Variants in LRRFIP1 observed in about 807,000 individuals in gnomAD.
The protein encoded by LRRFIP1 is LRR binding FLII interacting protein 1.
LRRFIP1 carries 62 observed loss-of-function variants against 104.4 expected under a neutral mutation model. The observed-to-expected ratio is 0.59, with a 90% CI of 0.48 to 0.73. The LOEUF (loss-of-function observed/expected upper bound fraction) is 0.73, where lower values mean the gene tolerates loss of function less well. LRRFIP1 is among the 30% of genes least tolerant of loss of function. The probability of loss-of-function intolerance (pLI) is 0.00; values close to 1 mark genes in which losing one functional copy is unlikely to be tolerated. For missense variants in LRRFIP1, 796 were observed against 824.5 expected (o/e 0.97, Z 0.42); for synonymous variants, 300 against 299.0 (o/e 1.00, Z -0.03).
chr2:237,738,390 A>G lies in LRRFIP1; in HGVS notation c.556-842A>G, dbSNP rs373324390. ...GAGGGTTCTGTGCCCAGCACAGTGC[A>G]GGGTGTCCAGGGGCTGGAATGGAGG... On this transcript the variant is annotated intron_variant, in intron 10 of 23. Coordinates refer to ENST00000308482, the MANE Select transcript of LRRFIP1 (RefSeq NM_001137550.2). 1.5e-4 allele frequency among the ~76,000 whole-genome samples: 23 copies of G among 152,288 alleles called. No homozygotes were observed. The East Asian group carries it at 2.7e-3, about 18-fold the overall frequency.
intron 1 of LRRFIP1, among the ~76,000 whole-genome samples, chr2:237,704,153 T>TC (rs971178877): frequency 8.2e-6 from 1 of 122,136 alleles, no homozygotes; most frequent in African/African-American, 5.3e-5. Flanking sequence ...CAGATGTTCT[T>TC]TTTTTTTTTT....
intron 1 of LRRFIP1, among the ~76,000 whole-genome samples, chr2:237,634,590 T>C (rs2082835609): frequency 6.6e-6 from 1 of 152,168 alleles, no homozygotes; most frequent in South Asian, 2.1e-4. Flanking sequence ...ATGAGATCTT[T>C]CACAAAAAGA....
intron 1 of LRRFIP1, among the ~76,000 whole-genome samples, chr2:237,647,192 C>T (rs1406601243): frequency 6.6e-6 from 1 of 151,978 alleles, no homozygotes; most frequent in Non-Finnish European, 1.5e-5. Context: ...CTGTTACAAA[C>T]ATTCTGAAGA....
At chr2:237,763,028 G>A in intron 19 of LRRFIP1, 1 of 1,614,200 alleles carries the variant, frequency 6.2e-7, no homozygotes, top group Non-Finnish European at 8.5e-7. Flanking sequence ...AGGCACAGTG[G>A]CCTCGTGTCC....
At chr2:237,676,380 C>T (rs1336327785) in intron 1 of LRRFIP1, among the ~76,000 whole-genome samples, 1 of 152,160 alleles carries the variant, frequency 6.6e-6, no homozygotes, top group African/African-American at 2.4e-5. Context: ...CCCATGTTGC[C>T]GGTCCTGATG....
chr2:237,702,277 G>A (rs1294816790), intron 1 of LRRFIP1, among the ~76,000 whole-genome samples: 2 of 152,224 alleles, frequency 1.3e-5, no homozygotes, highest in East Asian at 1.9e-4. Flanking sequence ...TTAGGACAAG[G>A]AGGCAACTTT....
chr2:237,745,594 G>GC lies in LRRFIP1; in HGVS notation c.634-2763dup, dbSNP rs1293256107. Among the ~76,000 whole-genome samples, 4 of 152,056 alleles carry GC rather than the reference G, an allele frequency of 2.6e-5. No individual in the cohort carries two copies. In the South Asian group the frequency reaches 6.2e-4, roughly 24 times the overall value. On this transcript the variant is annotated intron_variant, in intron 11 of 23. Coordinates refer to ENST00000308482, the MANE Select transcript of LRRFIP1 (RefSeq NM_001137550.2). The stretch of plus-strand genomic sequence containing the variant: ...CAGAACAAAGATGTGTTAAAGCCCT[G>GC]CCCCCCCAAAATCAAGGTTTGTGGA...
intron 1 of LRRFIP1, among the ~76,000 whole-genome samples, chr2:237,680,119 G>A (rs1453729875): frequency 1.3e-5 from 2 of 152,146 alleles, no homozygotes; most frequent in Non-Finnish European, 2.9e-5. Context: ...AAATACAGTT[G>A]GCCCTTTGTG....
chr2:237,772,447 A>G (rs1238323448), intron 21 of LRRFIP1: 27 of 478,510 alleles, frequency 5.6e-5, no homozygotes, highest in Non-Finnish European at 9.7e-5. Flanking sequence ...GCCGATGGAA[A>G]CCACATTTAC....
rs183460448 is a variant in LRRFIP1, at chr2:237,667,422, T to A, written c.96+39682T>A. Among the ~76,000 whole-genome samples, 15 of 152,356 alleles carry A rather than the reference T, an allele frequency of 9.8e-5. No homozygotes were observed. In the East Asian group the frequency reaches 2.9e-3, roughly 29 times the overall value. Reference sequence around the variant, plus strand: ...TATGGTTGCATAGTATTCCATGGTGTCTATGTGCCACATTTTCTTTATCCA... The same window carrying A: ...TATGGTTGCATAGTATTCCATGGTGACTATGTGCCACATTTTCTTTATCCA... On this transcript the variant is annotated intron_variant, in intron 1 of 23. Coordinates refer to ENST00000308482, the MANE Select transcript of LRRFIP1 (RefSeq NM_001137550.2).
chr2:237,637,047 C>G (rs2083217912), intron 1 of LRRFIP1, among the ~76,000 whole-genome samples: 1 of 152,192 alleles, frequency 6.6e-6, no homozygotes, highest in African/African-American at 2.4e-5. Context: ...CCTCTAGTGT[C>G]TACACAGCTC....
At chr2:237,731,929 T>C (rs569921416) in intron 8 of LRRFIP1, among the ~76,000 whole-genome samples, 8 of 152,222 alleles carry the variant, frequency 5.3e-5, no homozygotes, top group Non-Finnish European at 1.2e-4. Context: ...CTGGAAATTG[T>C]GCTCTGTAGA....
chr2:237,766,524 A>G lies in LRRFIP1; in HGVS notation c.1460-3419A>G, dbSNP rs1246170596. Among the ~76,000 whole-genome samples, 1 of 152,142 alleles carries G rather than the reference A, an allele frequency of 6.6e-6. No homozygotes were observed. Among genetic ancestry groups the G allele is most frequent in the African/African-American group, 2.4e-5 (1 of 41,430 alleles). On this transcript the variant is annotated intron_variant, in intron 19 of 23. Coordinates refer to ENST00000308482, the MANE Select transcript of LRRFIP1 (RefSeq NM_001137550.2). The surrounding 1 kb of genome is among the most constrained non-coding windows in gnomAD (Gnocchi z 4.8). ...GCCATTTTAAGTTCTTTCTCATGTT[A>G]TTCACCAGCACCCTGCAGGACGTTG...
chr2:237,646,748 G>A (rs114693968), intron 1 of LRRFIP1, among the ~76,000 whole-genome samples: 5,134 of 152,030 alleles, frequency 0.034, 288 homozygotes, highest in African/African-American at 0.11. Context: ...CACACAGCGA[G>A]AAGGTGGCCG....
At chr2:237,779,232 C>T in intron 23 of LRRFIP1, 190 bp from the exon 24 acceptor site, 2 of 531,940 alleles carry the variant, frequency 3.8e-6, no homozygotes, top group African/African-American at 4.1e-5. Flanking sequence ...AAAAAGAAAA[C>T]CATCAGGATC....
intron 1 of LRRFIP1, among the ~76,000 whole-genome samples, chr2:237,656,960 T>C (rs1225892963): frequency 6.6e-6 from 1 of 152,256 alleles, no homozygotes; most frequent in Non-Finnish European, 1.5e-5. Context: ...ACATAATTCA[T>C]GATAGAAAAC....
chr2:237,695,585 C>CT (rs1351413004), intron 1 of LRRFIP1, among the ~76,000 whole-genome samples: 1 of 152,162 alleles, frequency 6.6e-6, no homozygotes, highest in Non-Finnish European at 1.5e-5. Context: ...AGAATATCTG[C>CT]TCGTATTTAA....
At chr2:237,754,558 TGTGA>T (rs145290977) in intron 15 of LRRFIP1, among the ~76,000 whole-genome samples, 6,493 of 152,322 alleles carry the variant, frequency 0.043, 471 homozygotes, top group African/African-American at 0.15. Context: ...AAATGTAATG[TGTGA>T]GTGTCGTTGT....
In LRRFIP1 at chr2:237,741,004, A is replaced by G. The variant is rs569292074; in HGVS notation, c.633+1695A>G. Among the ~76,000 whole-genome samples the G allele has an allele frequency of 9.8e-5, 15 of 152,330 alleles. No individual in the cohort carries two copies. The South Asian group carries it at 3.1e-3, about 32-fold the overall frequency. On this transcript the variant is annotated intron_variant, in intron 11 of 23. Coordinates refer to ENST00000308482, the MANE Select transcript of LRRFIP1 (RefSeq NM_001137550.2). ...AGACTCTCCCCTCTGTATAAGTTGC[A>G]GACACCCACTCTTGTCACACATTTG...
Sources: gnomAD v4.1 joint callset for allele counts (sites outside exome capture counted in the v4.1 genomes callset) on GRCh38, gnomAD v4.1.1 for gene constraint, Gnocchi (gnomAD v3.1) non-coding constraint, MANE v1.5 for transcripts, NCBI Gene and HGNC (gene_info 2026-07-23, HGNC 2026-07-21) for gene names.